DIP2C: variants seen among roughly 807,000 people sequenced by gnomAD.
The protein encoded by DIP2C is disco-interacting protein 2 homolog C.
A neutral mutation model predicts 192.4 loss-of-function variants in DIP2C; 33 were observed. The observed-to-expected ratio is 0.17, with a 90% CI of 0.13 to 0.23. DIP2C has a LOEUF of 0.23. Among genes scored for constraint, DIP2C ranks in the 10% least tolerant of loss-of-function variants. The pLI is 1.00. For synonymous variants in DIP2C, 979 were observed against 864.1 expected, an observed-to-expected ratio of 1.13 and a Z score of -2.33; for missense variants, 1,537 against 2,110.1, an observed-to-expected ratio of 0.73 and a Z score of 5.32.
chr10:314,223 G>A (rs943380026), intron 31 of DIP2C, among the ~76,000 whole-genome samples: 1 of 152,174 alleles, frequency 6.6e-6, no homozygotes, highest in African/African-American at 2.4e-5. Flanking sequence ...CCTTAATGAT[G>A]TACTCCCAGT....
At chr10:575,043 G>A (rs187783168) in intron 1 of DIP2C, among the ~76,000 whole-genome samples, 1 of 152,078 alleles carries the variant, frequency 6.6e-6, no homozygotes, top group East Asian at 1.9e-4. Flanking sequence ...TCACAAACTG[G>A]TATCAATCAG....
intron 9 of DIP2C, among the ~76,000 whole-genome samples, chr10:405,896 G>A (rs1964768434): frequency 1.3e-5 from 2 of 152,090 alleles, no homozygotes; most frequent in African/African-American, 2.4e-5. Flanking sequence ...CCTGGAACCC[G>A]CCCAAGAGCT....
intron 1 of DIP2C, among the ~76,000 whole-genome samples, chr10:509,574 C>T (rs7071018): frequency 0.23 from 35,605 of 152,114 alleles, 5,904 homozygotes; most frequent in African/African-American, 0.47. Context: ...GGACTCTGTG[C>T]GGTAAGGGCT....
chr10:641,452 G>A (rs1855192641), intron 1 of DIP2C, among the ~76,000 whole-genome samples: 1 of 152,172 alleles, frequency 6.6e-6, no homozygotes, highest in African/African-American at 2.4e-5. Context: ...TTAGATCCCA[G>A]GCACCTTAAA....
At chr10:465,959 C>T (rs888851672) in intron 3 of DIP2C, among the ~76,000 whole-genome samples, 2 of 152,160 alleles carry the variant, frequency 1.3e-5, no homozygotes, top group African/African-American at 2.4e-5. Flanking sequence ...AATGGCCATA[C>T]TGCCCAAGGT....
At chr10:327,812 G>A (rs540938445) in intron 30 of DIP2C, among the ~76,000 whole-genome samples, 26 of 152,274 alleles carry the variant, frequency 1.7e-4, no homozygotes, top group Admixed American at 7.2e-4. Flanking sequence ...ATTCTCAAGC[G>A]TGTCTGTTTC....
chr10:503,290 A>G (rs1845377869), intron 1 of DIP2C, among the ~76,000 whole-genome samples: 1 of 152,220 alleles, frequency 6.6e-6, no homozygotes, highest in Non-Finnish European at 1.5e-5. Context: ...CAGACAAGCT[A>G]AAAGTTACAT....
rs188326378 is a variant in DIP2C at position 492,342 on chromosome 10, G to C, written c.86-5812C>G. On this transcript the variant is annotated intron_variant, in intron 1 of 36. Transcript: ENST00000280886. ...TTCCCAACCTGGCCCTGCCGCCTTGGCCACCCGTGCTCTGCCATGGCTCCA... is the reference window on the plus strand; with the variant it reads ...TTCCCAACCTGGCCCTGCCGCCTTGCCCACCCGTGCTCTGCCATGGCTCCA... Among the ~76,000 whole-genome samples the C allele has an allele frequency of 5.5e-3, 830 of 152,252 alleles. 10 individuals are homozygous for C. The highest frequency in any genetic ancestry group is 7.1e-3 in the Admixed American group (109 of 15,296).
chr10:434,388 C>T (rs1564707287), intron 4 of DIP2C, among the ~76,000 whole-genome samples: 1 of 152,128 alleles, frequency 6.6e-6, no homozygotes, highest in Non-Finnish European at 1.5e-5. Context: ...GCTCAAGTGA[C>T]CCTCCCATCT....
At chr10:637,102 C>G (rs1003521177) in intron 1 of DIP2C, among the ~76,000 whole-genome samples, 1 of 152,252 alleles carries the variant, frequency 6.6e-6, no homozygotes, top group African/African-American at 2.4e-5. Context: ...TGATTCCACA[C>G]GGTCCCACCT....
At chr10:462,805 A>G (rs1969901672) in intron 3 of DIP2C, among the ~76,000 whole-genome samples, 1 of 152,230 alleles carries the variant, frequency 6.6e-6, no homozygotes, top group South Asian at 2.1e-4. Context: ...ATCCAGCAGA[A>G]AGCCGATCCA....
chr10:479,033 G>A (rs958880513), intron 2 of DIP2C, among the ~76,000 whole-genome samples: 13 of 152,294 alleles, frequency 8.5e-5, no homozygotes, highest in African/African-American at 2.4e-4. Flanking sequence ...CCTGCTCTGG[G>A]CCCTTAGTGA....
intron 16 of DIP2C, among the ~76,000 whole-genome samples, chr10:383,508 ATTTAC>A (rs755103057): frequency 2.0e-5 from 3 of 152,202 alleles, no homozygotes; most frequent in Non-Finnish European, 2.9e-5. Context: ...GGAGCTGCTA[ATTTAC>A]TTTAACTGGG....
intron 1 of DIP2C, among the ~76,000 whole-genome samples, chr10:522,468 T>C (rs1846774514): frequency 6.6e-6 from 1 of 152,244 alleles, no homozygotes; most frequent in Non-Finnish European, 1.5e-5. Context: ...TCGGAGTGCT[T>C]AGTTCCATGG....
At chr10:464,690 T>C (rs886673685) in intron 3 of DIP2C, among the ~76,000 whole-genome samples, 4 of 152,228 alleles carry the variant, frequency 2.6e-5, no homozygotes, top group African/African-American at 9.6e-5. Context: ...GTATGTTTAT[T>C]GCAGCACTGT....
chr10:578,703 T>G (rs998692988), intron 1 of DIP2C, among the ~76,000 whole-genome samples: 3 of 152,078 alleles, frequency 2.0e-5, no homozygotes, highest in Admixed American at 1.3e-4. Flanking sequence ...CACATCTAGA[T>G]CCACATACTA....
rs144534546 is a variant in DIP2C, at chr10:609,962, G to A, written c.85+79532C>T. Among the ~76,000 whole-genome samples, 112 of 152,136 alleles carry A rather than the reference G, an allele frequency of 7.4e-4. 1 individual carries two copies. In the East Asian group the frequency reaches 0.018, roughly 24 times the overall value. On this transcript the variant is annotated intron_variant, in intron 1 of 36. Transcript: ENST00000280886. Reference sequence around the variant, plus strand: ...ATGCGGCATTCCACCGAGGGCTTTGGGGACAGGCTGCTTGAGAACATCAAA... The same window carrying A: ...ATGCGGCATTCCACCGAGGGCTTTGAGGACAGGCTGCTTGAGAACATCAAA...
chr10:603,457 C>A (rs1053898548), intron 1 of DIP2C, among the ~76,000 whole-genome samples: 1 of 152,062 alleles, frequency 6.6e-6, no homozygotes, highest in Admixed American at 6.6e-5. Context: ...AAGTTTTAAT[C>A]CTAACACGTC....
rs370861904 is a variant in DIP2C at position 616,184 on chromosome 10, C to G, written c.85+73310G>C. Among the ~76,000 whole-genome samples, 223 of 152,272 alleles carry G rather than the reference C, an allele frequency of 1.5e-3. 4 individuals carry two copies. The South Asian group carries it at 0.018, about 12-fold the overall frequency. ...CACTCTGGGTTCCAAGTACTAAATTCCTCGATTTTATCAATTAGATTATCA... is the reference window on the plus strand; with the variant it reads ...CACTCTGGGTTCCAAGTACTAAATTGCTCGATTTTATCAATTAGATTATCA... On this transcript the variant is annotated intron_variant, in intron 1 of 36. Coordinates refer to ENST00000280886, the MANE Select transcript of DIP2C (RefSeq NM_014974.3).
Sources: gnomAD v4.1 joint callset for allele counts (sites outside exome capture counted in the v4.1 genomes callset) on GRCh38, gnomAD v4.1.1 for gene constraint, MANE v1.5 for transcripts, NCBI Gene and HGNC (gene_info 2026-07-23, HGNC 2026-07-21) for gene names.